The following TJP1 variants were observed in gnomAD, a reference collection of about 807,000 sequenced individuals.
The protein encoded by TJP1 is tight junction protein ZO-1.
Under a neutral mutation model 194.2 loss-of-function variants are expected in TJP1, and 43 were observed. The ratio of observed to expected loss-of-function variants is 0.22; its 90% CI spans 0.17 to 0.29. TJP1 has a LOEUF of 0.29. Among genes scored for constraint, TJP1 ranks in the 10% least tolerant of loss-of-function variants. TJP1 has a pLI of 1.00. For synonymous variants in TJP1, 801 were observed against 779.0 expected, an observed-to-expected ratio of 1.03 and a Z score of -0.47; for missense variants, 1,971 against 2,185.7, an observed-to-expected ratio of 0.90 and a Z score of 1.96.
intron 4 of TJP1, among the ~76,000 whole-genome samples, chr15:29,768,354 C>T (rs1370633779): frequency 1.3e-5 from 2 of 152,194 alleles, no homozygotes; most frequent in Non-Finnish European, 2.9e-5. Flanking sequence ...GTAAAGCATT[C>T]CTAATGCTAG....
chr15:29,870,639 A>C (rs1202262151), intron 2 of TJP1, among the ~76,000 whole-genome samples: 1 of 152,120 alleles, frequency 6.6e-6, no homozygotes, highest in Non-Finnish European at 1.5e-5. Flanking sequence ...GTGAGTGTTG[A>C]CCTAAAAGGG....
At chr15:29,908,083 A>AAAG (rs1321275930) in intron 2 of TJP1, among the ~76,000 whole-genome samples, 26 of 131,220 alleles carry the variant, frequency 2.0e-4, no homozygotes, top group Non-Finnish European at 2.6e-4. Flanking sequence ...AAAAAAAAAA[A>AAAG]AAGAAGAAGA....
At chr15:29,724,220 G>C (rs2043105340) in intron 18 of TJP1, among the ~76,000 whole-genome samples, 1 of 152,154 alleles carries the variant, frequency 6.6e-6, no homozygotes. Context: ...GGTGTGTCAG[G>C]TCTCCCCATG....
chr15:29,908,175 AC>A (rs2053889689), intron 2 of TJP1, among the ~76,000 whole-genome samples: 1 of 150,936 alleles, frequency 6.6e-6, no homozygotes, highest in African/African-American at 2.4e-5. Context: ...ATTTCGAAGG[AC>A]ATTTTCTATT....
At chr15:29,810,203 G>A (rs1413360140) in intron 1 of TJP1, among the ~76,000 whole-genome samples, 2 of 152,128 alleles carry the variant, frequency 1.3e-5, no homozygotes, top group Non-Finnish European at 2.9e-5. Flanking sequence ...AAAATAATGG[G>A]GAAGAGAAGA....
At chr15:29,727,804 T>G in intron 16 of TJP1, 133 bp downstream of exon 16, 1 of 664,472 alleles carries the variant, frequency 1.5e-6, no homozygotes, top group Non-Finnish European at 2.6e-6. Flanking sequence ...TGCTTTTCAG[T>G]AAGGGCTTAA....
intron 23 of TJP1, among the ~76,000 whole-genome samples, chr15:29,713,167 A>C (rs1401531599): frequency 6.6e-6 from 1 of 152,222 alleles, no homozygotes; most frequent in Non-Finnish European, 1.5e-5. Flanking sequence ...TGAGACCTGG[A>C]AGTCTCACAT....
chr15:29,804,829 A>G (rs1339127961), intron 1 of TJP1, among the ~76,000 whole-genome samples: 1 of 152,182 alleles, frequency 6.6e-6, no homozygotes, highest in Non-Finnish European at 1.5e-5. Context: ...TCCTCTAAGC[A>G]TGATTCTAGC....
At chr15:29,952,996 T>C (rs1244154478) in intron 2 of TJP1, among the ~76,000 whole-genome samples, 4 of 152,182 alleles carry the variant, frequency 2.6e-5, no homozygotes, top group Non-Finnish European at 5.9e-5. Context: ...AGGTTTTAAA[T>C]TGGTTCTACA....
intron 1 of TJP1, chr15:29,968,556 G>A (rs985533326): frequency 3.7e-6 from 3 of 805,508 alleles, no homozygotes; most frequent in African/African-American, 3.8e-5. Flanking sequence ...CGACAGTCGC[G>A]GCCTCGCCCC....
At chr15:29,722,793 T>TA (rs2043013349) in intron 18 of TJP1, among the ~76,000 whole-genome samples, 1 of 152,192 alleles carries the variant, frequency 6.6e-6, no homozygotes, top group African/African-American at 2.4e-5. Flanking sequence ...CCTGCGTGGC[T>TA]ACAGGGGCAG....
chr15:29,779,938 T>C lies in TJP1; in HGVS notation c.85-6581A>G, dbSNP rs573361871. ...TCCTTAGCATGTGAACGAAGCCATATTCTAAAACAAACAAACAAACAAACA... is the reference window on the plus strand; with the variant it reads ...TCCTTAGCATGTGAACGAAGCCATACTCTAAAACAAACAAACAAACAAACA... On this transcript the variant is annotated intron_variant, in intron 2 of 27. Coordinates refer to ENST00000614355, the MANE Select transcript of TJP1 (RefSeq NM_001330239.4). Among the ~76,000 whole-genome samples, 3 of 149,830 alleles carry C rather than the reference T, an allele frequency of 2.0e-5. No homozygotes were observed. The East Asian group carries it at 5.8e-4, about 29-fold the overall frequency.
intron 2 of TJP1, among the ~76,000 whole-genome samples, chr15:29,798,042 C>T (rs979577028): frequency 2.0e-5 from 3 of 152,158 alleles, no homozygotes; most frequent in South Asian, 2.1e-4. Context: ...GGCGTGATCT[C>T]GGCTCATTGC....
At chr15:29,871,415 A>G (rs577909493) in intron 2 of TJP1, among the ~76,000 whole-genome samples, 1 of 152,366 alleles carries the variant, frequency 6.6e-6, no homozygotes, top group South Asian at 2.1e-4. Context: ...CCTCGTGGGC[A>G]AAACCTGCTA....
intron 2 of TJP1, among the ~76,000 whole-genome samples, chr15:29,931,014 C>A (rs2054692143): frequency 6.6e-6 from 1 of 152,140 alleles, no homozygotes; most frequent in Non-Finnish European, 1.5e-5. Flanking sequence ...CTGACTCCCC[C>A]CAGAACTTAA....
chr15:29,817,258 A>T (rs1312581762), intron 1 of TJP1, among the ~76,000 whole-genome samples: 1 of 152,262 alleles, frequency 6.6e-6, no homozygotes, highest in Non-Finnish European at 1.5e-5. Flanking sequence ...TCATTAGAGA[A>T]ATGCAAATCA....
chr15:29,718,658 C>G lies in TJP1; in HGVS notation c.3484G>C (p.Ala1162Pro), dbSNP rs1409520493. ...ASALRHEEQP[A>P]PGYDTHGRLR... ...CTACCATGTGTGTCATACCCAGGAG[C>G]TGGCTGCTCTTCGTGCCGCAGGGCG... Residue 1162 changes from alanine (A) to proline (P), a missense_variant, in exon 21 of 28, where the codon GCT becomes CCT. Physicochemically the swap from Ala to Pro is conservative, Grantham distance 27. Coordinates refer to ENST00000614355, the MANE Select transcript of TJP1 (RefSeq NM_001330239.4). 5.0e-6 allele frequency: 8 copies of G among 1,614,060 alleles called. No homozygotes were observed. The highest frequency in any genetic ancestry group is 1.3e-5 in the African/African-American group (1 of 74,920).
At chr15:29,752,628 A>G (rs1055652392) in intron 8 of TJP1, among the ~76,000 whole-genome samples, 1 of 152,240 alleles carries the variant, frequency 6.6e-6, no homozygotes, top group Non-Finnish European at 1.5e-5. Flanking sequence ...TGGAATTTCA[A>G]TGAAGTAACC....
chr15:29,860,964 A>T (rs2052059437), intron 2 of TJP1, among the ~76,000 whole-genome samples: 1 of 152,222 alleles, frequency 6.6e-6, no homozygotes, highest in Non-Finnish European at 1.5e-5. Context: ...TGTAATCATA[A>T]CTTTTATATA....
Sources: allele counts gnomAD v4.1 joint callset (sites outside exome capture counted in the v4.1 genomes callset), GRCh38; gene constraint gnomAD v4.1.1; transcripts MANE v1.5; gene names NCBI Gene and HGNC (gene_info 2026-07-23, HGNC 2026-07-21).